VPS13B: variants seen among roughly 807,000 people sequenced by gnomAD.
VPS13B encodes vacuolar protein sorting 13 homolog B, also known as intermembrane lipid transfer protein VPS13B.
A neutral mutation model predicts 426.4 loss-of-function variants in VPS13B; 285 were observed. That is an observed-to-expected ratio of 0.67 (90% CI 0.61 to 0.74). VPS13B has a LOEUF of 0.74. VPS13B is among the 30% of genes least tolerant of loss of function. The pLI is 0.00. For missense variants in VPS13B, 4,537 were observed against 4,782.6 expected (o/e 0.95, Z 1.51); for synonymous variants, 1,676 against 1,676.4 (o/e 1.00, Z 0.01).
chr8:99,100,737 C>T (rs190751394), intron 4 of VPS13B, among the ~76,000 whole-genome samples: 23 of 152,112 alleles, frequency 1.5e-4, no homozygotes, highest in Admixed American at 3.3e-4. Context: ...TGAATGCTTA[C>T]GTGGTTTTTA....
chr8:99,544,710 T>C (rs374381737), intron 30 of VPS13B, among the ~76,000 whole-genome samples: 2 of 128,096 alleles, frequency 1.6e-5, no homozygotes, highest in Non-Finnish European at 3.3e-5. Flanking sequence ...ACAACAACAA[T>C]AAACCTTTAC....
chr8:99,519,977 G>A lies in VPS13B; in HGVS notation c.4634-922G>A, dbSNP rs138282755. ...AAAAAATGTAAATGTAATGAATGGG[G>A]CCATTAATTTCCCCTTTCATGCCAA... On this transcript the variant is annotated intron_variant, in intron 29 of 61. Transcript: ENST00000357162. Among the ~76,000 whole-genome samples, 755 of 152,188 alleles carry A rather than the reference G, an allele frequency of 5.0e-3. 6 individuals carry two copies. Among genetic ancestry groups the A allele is most frequent in the African/African-American group, 0.017 (714 of 41,540 alleles).
intron 29 of VPS13B, among the ~76,000 whole-genome samples, chr8:99,516,326 T>C (rs1246221884): frequency 6.6e-6 from 1 of 152,118 alleles, no homozygotes; most frequent in Non-Finnish European, 1.5e-5. Context: ...ATTTAATACA[T>C]GTTAAAAGCT....
At chr8:99,262,988 T>G (rs1288706301) in intron 17 of VPS13B, among the ~76,000 whole-genome samples, 1 of 152,090 alleles carries the variant, frequency 6.6e-6, no homozygotes, top group Non-Finnish European at 1.5e-5. Flanking sequence ...TAGCCCAGAC[T>G]TGTCTCAAAC....
chr8:99,442,436 T>C lies in VPS13B; in HGVS notation c.3246T>C (p.Asn1082=). ...EVQSCCVFIP[N]DSLPSPSTIV... The stretch of plus-strand genomic sequence containing the variant: ...AATCTTGTTGTGTGTTTATTCCAAA[T>C]GATAGCCTGCCTTCCCCAAGTACAA... The change falls in exon 23 of 62, where the codon AAT becomes AAC. Residue 1082 remains asparagine (N), a synonymous_variant. Coordinates refer to ENST00000357162, the MANE Select transcript of VPS13B (RefSeq NM_152564.5). 6.2e-7 allele frequency: 1 copy of C among 1,614,008 alleles called. No individual in the cohort carries two copies. The highest frequency in any genetic ancestry group is 8.5e-7 in the Non-Finnish European group (1 of 1,179,900).
chr8:99,639,985 GTAATAATAATAATAA>G (rs58877812), intron 33 of VPS13B, among the ~76,000 whole-genome samples: 5,047 of 80,936 alleles, frequency 0.062, 249 homozygotes, highest in South Asian at 0.074. Flanking sequence ...TTTAAAAATA[GTAATAATAATAATAA>G]TAATAATAAT....
intron 16 of VPS13B, among the ~76,000 whole-genome samples, chr8:99,175,261 T>C (rs1812568294): frequency 6.6e-6 from 1 of 152,338 alleles, no homozygotes; most frequent in South Asian, 2.1e-4. Context: ...CATGTACAGC[T>C]TGAACAACAT....
intron 25 of VPS13B, among the ~76,000 whole-genome samples, chr8:99,498,300 A>C (rs984355634): frequency 1.3e-5 from 2 of 152,144 alleles, no homozygotes; most frequent in Non-Finnish European, 2.9e-5. Flanking sequence ...ACATTTTACT[A>C]TTAAAACATT....
intron 3 of VPS13B, among the ~76,000 whole-genome samples, chr8:99,094,856 A>C (rs147294065): frequency 8.7e-4 from 132 of 152,266 alleles, no homozygotes; most frequent in Middle Eastern, 3.4e-3. Context: ...GTTATTATTG[A>C]TTAATGAATT....
At chr8:99,747,285 CAA>C (rs1204936696) in intron 39 of VPS13B, among the ~76,000 whole-genome samples, 2 of 77,326 alleles carry the variant, frequency 2.6e-5, no homozygotes. Context: ...TGTTATTGTA[CAA>C]AAAAAAAAAA....
chr8:99,053,044 C>G (rs1378758726), intron 3 of VPS13B, among the ~76,000 whole-genome samples: 1 of 151,790 alleles, frequency 6.6e-6, no homozygotes, highest in Non-Finnish European at 1.5e-5. Context: ...CAGTTGTGCT[C>G]TGATCTTAGT....
rs1014004468 is a variant in VPS13B at position 99,139,853 on chromosome 8, T to TA, written c.1652-3110dup. Among the ~76,000 whole-genome samples, 751 of 143,754 alleles carry TA rather than the reference T, an allele frequency of 5.2e-3. 4 individuals carry two copies. The highest frequency in any genetic ancestry group is 0.014 in the Middle Eastern group (4 of 284). The allele number at this position is 143,754 out of a possible 152,430, so 94.3% of individuals were successfully genotyped here. ...CTATAAGAGGATACTTGTAAATACTTAAAAAAAAAAAGCTTTATCTAAAAC... is the reference window on the plus strand; with the variant it reads ...CTATAAGAGGATACTTGTAAATACTTAAAAAAAAAAAAGCTTTATCTAAAAC... On this transcript the variant is annotated intron_variant, in intron 12 of 61. Coordinates refer to ENST00000357162, the MANE Select transcript of VPS13B (RefSeq NM_152564.5).
chr8:99,519,950 TA>T (rs1286068840), intron 29 of VPS13B, among the ~76,000 whole-genome samples: 2 of 152,074 alleles, frequency 1.3e-5, no homozygotes, highest in African/African-American at 2.4e-5. Flanking sequence ...TAAAGTATAA[TA>T]AAAAAATGTA....
intron 49 of VPS13B, 68 bp from the exon 50 acceptor site, chr8:99,821,226 C>T: frequency 6.9e-7 from 1 of 1,457,590 alleles, no homozygotes; most frequent in Non-Finnish European, 9.3e-7. Flanking sequence ...AAAAAAAATC[C>T]TGAGGATTGA....
chr8:99,013,741 TTC>T lies in VPS13B; in HGVS notation c.-29-17_-29-16del. The T allele has an allele frequency of 2.5e-6, 4 of 1,612,672 alleles. No homozygotes were observed. Among genetic ancestry groups the T allele is most frequent in the Non-Finnish European group, 3.4e-6 (4 of 1,179,006 alleles). ...TCACTCTACCGCCGACTTCTAACGT[TTC>T]TGTCTACTCCTTTCAGCTTCCGACT... On this transcript the variant is annotated splice_polypyrimidine_tract_variant and intron_variant, in intron 1 of 61. Transcript: ENST00000357162.
At chr8:99,485,430 C>T (rs1367332743) in intron 25 of VPS13B, among the ~76,000 whole-genome samples, 6 of 152,096 alleles carry the variant, frequency 3.9e-5, no homozygotes, top group Non-Finnish European at 8.8e-5. Flanking sequence ...CTAACGAGTG[C>T]GCTGAAACAC....
At chr8:99,652,402 T>G (rs1046994041) in intron 34 of VPS13B, among the ~76,000 whole-genome samples, 5 of 152,198 alleles carry the variant, frequency 3.3e-5, no homozygotes, top group Admixed American at 6.5e-5. Context: ...GCTCAATGAC[T>G]ATTAATAAAT....
chr8:99,320,104 G>A (rs1459781383), intron 19 of VPS13B, among the ~76,000 whole-genome samples: 1 of 152,142 alleles, frequency 6.6e-6, no homozygotes, highest in Non-Finnish European at 1.5e-5. Context: ...TTTAGAACTT[G>A]TGAATCTTAG....
At chr8:99,529,198 G>A (rs1043760371) in intron 30 of VPS13B, among the ~76,000 whole-genome samples, 7 of 151,894 alleles carry the variant, frequency 4.6e-5, no homozygotes, top group African/African-American at 1.7e-4. Context: ...ATTCTGAATG[G>A]TAACCACCTC....
Sources: gnomAD v4.1 joint callset for allele counts (sites outside exome capture counted in the v4.1 genomes callset) on GRCh38, gnomAD v4.1.1 for gene constraint, MANE v1.5 for transcripts, NCBI Gene and HGNC (gene_info 2026-07-23, HGNC 2026-07-21) for gene names.